The following PFN1 variants were observed in gnomAD, a reference collection of about 807,000 sequenced individuals.
The protein encoded by PFN1 is profilin 1, also known as profilin-1.
PFN1 carries 2 observed loss-of-function variants against 11.7 expected under a neutral mutation model. That is an observed-to-expected ratio of 0.17 (90% confidence interval 0.07 to 0.54). PFN1 has a LOEUF of 0.54. PFN1 is among the 20% of genes least tolerant of loss of function. PFN1 has a pLI of 0.94. For synonymous variants in PFN1, 78 were observed against 76.2 expected (o/e 1.02, Z -0.12); for missense variants, 97 against 188.4 (o/e 0.51, Z 2.84).
Position 4,946,753 on chromosome 17 carries a change from C to G in PFN1, c.200G>C (p.Gly67Ala). 6.2e-7 allele frequency: 1 copy of G among 1,614,108 alleles called. No homozygotes were observed. Reference protein sequence around the residue: ...SSFYVNGLTLGGQKCSVIRDS... With the variant: ...SSFYVNGLTLAGQKCSVIRDS... Reference sequence around the variant, plus strand: ...CCGGATCACCGAACATTTCTGGCCCCCAAGTGTCAGCCCATTCACGTAAAA... The same window carrying G: ...CCGGATCACCGAACATTTCTGGCCCGCAAGTGTCAGCCCATTCACGTAAAA... Residue 67 changes from glycine to alanine, a missense_variant, in exon 2 of 3, where the codon GGG (glycine) becomes GCG (alanine). Coordinates refer to ENST00000225655, the MANE Select transcript of PFN1 (RefSeq NM_005022.4).
At chr17:4,948,201 CAAGT>C in intron 1 of PFN1, 58 bp downstream of exon 1, 2 of 1,514,664 alleles carry the variant, frequency 1.3e-6, no homozygotes, top group Non-Finnish European at 1.8e-6. Flanking sequence ...CGCCCCCACC[CAAGT>C]CCCTCCCTCA....
rs2151133749 is a variant in PFN1 at position 4,945,727 on chromosome 17, A to G, written c.*173T>C. 1.9e-6 allele frequency: 1 copy of G among 522,286 alleles called. No homozygotes were observed. Among genetic ancestry groups the G allele is most frequent in the Non-Finnish European group, 3.5e-6 (1 of 285,734 alleles). The allele number at this position is 522,286 out of a possible 1,614,324, so 32.4% of individuals were successfully genotyped here. A position where few individuals can be genotyped will look rare whatever the true frequency, so the allele number is the denominator to read the frequency against. On this transcript the variant is annotated 3_prime_UTR_variant, in exon 3 of 3. Transcript: ENST00000225655. ...AGTTTTCCAACCACACACGGGAGGG[A>G]TATGGGTAGGGGGAGGTGTCTGTCC...
In PFN1 at chr17:4,946,770, C is replaced by G. The variant is rs1971406251; in HGVS notation, c.183G>C (p.Val61=). ...LVGKDRSSFY[V]NGLTLGGQKC... is the part of the protein sequence containing the mutation. ...TCTGGCCCCCAAGTGTCAGCCCATT[C>G]ACGTAAAAACTTGACCGGTCTTTGC... The change falls in exon 2 of 3, where the codon GTG becomes GTC. Residue 61 remains valine, a synonymous_variant. Transcript: ENST00000225655. The G allele has an allele frequency of 2.5e-6, 4 of 1,613,970 alleles. No homozygotes were observed. The highest frequency in any genetic ancestry group is 3.4e-6 in the Non-Finnish European group (4 of 1,179,926).
intron 1 of PFN1, among the ~76,000 whole-genome samples, chr17:4,947,723 G>A (rs1353148040): frequency 6.6e-6 from 1 of 151,248 alleles, no homozygotes; most frequent in African/African-American, 2.4e-5. Context: ...AACGTGCTGA[G>A]CTGGGGGGGC....
At chr17:4,946,051 C>G (rs894229181) in intron 2 of PFN1, 54 bp from the exon 3 acceptor site, 2 of 1,323,162 alleles carry the variant, frequency 1.5e-6, no homozygotes, top group African/African-American at 2.9e-5. Context: ...ACAATTCCAC[C>G]CCCTGCCAGC....
At chr17:4,948,175 C>T in intron 1 of PFN1, 88 bp downstream of exon 1, 3 of 1,432,530 alleles carry the variant, frequency 2.1e-6, no homozygotes, top group Non-Finnish European at 1.9e-6. Flanking sequence ...TCTCGCTGCG[C>T]GCCCTAGACC....
chr17:4,946,051 C>T lies in PFN1; in HGVS notation c.326-54G>A, dbSNP rs894229181. ...TAGGATCCAGGTGTCACAATTCCAC[C>T]CCCTGCCAGCTGTTCAGCAGCTGTC... On this transcript the variant is annotated intron_variant, in intron 2 of 2. Coordinates refer to ENST00000225655, the MANE Select transcript of PFN1 (RefSeq NM_005022.4). The T allele has an allele frequency of 4.5e-6, 6 of 1,323,278 alleles. No individual in the cohort carries two copies. In the Admixed American group the frequency reaches 6.7e-5, roughly 15 times the overall value. The allele number at this position is 1,323,278 out of a possible 1,614,324, so 82.0% of individuals were successfully genotyped here.
chr17:4,947,731 G>A (rs995286173), intron 1 of PFN1, among the ~76,000 whole-genome samples: 2 of 152,152 alleles, frequency 1.3e-5, no homozygotes, highest in African/African-American at 2.4e-5. Flanking sequence ...GAGCTGGGGG[G>A]GCGTGTGGTG....
rs1193533476 is a variant in PFN1, at chr17:4,945,915, C to A, written c.408G>T (p.Arg136=). ...KKCYEMASHL[R]RSQY The stretch of plus-strand genomic sequence containing the variant: ...ACAGACGAGGTCAGTACTGGGAACG[C>A]CGAAGGTGGGAGGCCATTTCATAAC... The change falls in exon 3 of 3, where the codon CGG becomes CGT. Residue 136 remains arginine (R), a synonymous_variant. Transcript: ENST00000225655. 6.2e-6 allele frequency: 10 copies of A among 1,607,404 alleles called. No individual in the cohort carries two copies. The highest frequency in any genetic ancestry group is 8.5e-6 in the Non-Finnish European group (10 of 1,173,994).
chr17:4,947,929 G>A (rs1474821796), intron 1 of PFN1, among the ~76,000 whole-genome samples: 3 of 152,168 alleles, frequency 2.0e-5, no homozygotes, highest in African/African-American at 7.2e-5. Context: ...CCAATCCCCA[G>A]TAAAAACTGA....
chr17:4,946,080 C>T (rs1971381940), intron 2 of PFN1, 83 bp from the exon 3 acceptor site: 15 of 1,037,940 alleles, frequency 1.4e-5, no homozygotes, highest in Non-Finnish European at 2.3e-5. Flanking sequence ...AGCTGTCCAG[C>T]CCTGGGGGCT....
In PFN1 at chr17:4,945,795, A is replaced by G. The variant is rs536157904; in HGVS notation, c.*105T>C. 17 of 738,656 alleles carry G rather than the reference A, an allele frequency of 2.3e-5. No individual in the cohort carries two copies. The highest frequency in any genetic ancestry group is 9.6e-6 in the Non-Finnish European group (4 of 418,086). The allele number at this position is 738,656 out of a possible 1,614,324, so 45.8% of individuals were successfully genotyped here. ...AGCCCATGTGGTTTTGGCAGCAATA[A>G]GGGGTATGGGGTAATGGCCCAAAAA... On this transcript the variant is annotated 3_prime_UTR_variant, in exon 3 of 3. Transcript: ENST00000225655.
chr17:4,945,674 T>C lies in PFN1; in HGVS notation c.*226A>G. The C allele has an allele frequency of 2.2e-6, 1 of 450,554 alleles. No homozygotes were observed. The highest frequency in any genetic ancestry group is 4.0e-6 in the Non-Finnish European group (1 of 249,512). The allele number at this position is 450,554 out of a possible 1,614,324, so 27.9% of individuals were successfully genotyped here. On this transcript the variant is annotated 3_prime_UTR_variant, in exon 3 of 3. Transcript: ENST00000225655. Reference sequence around the variant, plus strand: ...ACCTTGTTAGTAGAATCTTTTTTATTCAGAAAAAAAAAACCCCAAAAAACA... The same window carrying C: ...ACCTTGTTAGTAGAATCTTTTTTATCCAGAAAAAAAAAACCCCAAAAAACA...
chr17:4,947,605 T>C (rs956292658), intron 1 of PFN1: 2 of 152,436 alleles, frequency 1.3e-5, no homozygotes, highest in Non-Finnish European at 2.9e-5. Flanking sequence ...CTTTCGCTTA[T>C]GCTGTCTCAG....
At position 4,948,499 on chromosome 17, in the gene PFN1, G is replaced by A. The variant is rs1438655938; in HGVS notation, c.-105C>T. On this transcript the variant is annotated 5_prime_UTR_variant, in exon 1 of 3. Transcript: ENST00000225655. Reference sequence around the variant, plus strand: ...GGGAGGCGGAGAGCTCGGGGCACGCGCTGCCGTCCGGACCGCGGCTCCGCT... The same window carrying A: ...GGGAGGCGGAGAGCTCGGGGCACGCACTGCCGTCCGGACCGCGGCTCCGCT... 7.7e-6 allele frequency: 10 copies of A among 1,300,118 alleles called. No homozygotes were observed. In the East Asian group the frequency reaches 1.2e-4, roughly 16 times the overall value. 80.5% of individuals were successfully genotyped at this position (1,300,118 alleles called of 1,614,324 possible).
rs765279496 is a variant in PFN1 at position 4,948,246 on chromosome 17, C to A, written c.132+17G>T. 1 of 1,593,330 alleles carries A rather than the reference C, an allele frequency of 6.3e-7. No homozygotes were observed. The highest frequency in any genetic ancestry group is 8.5e-7 in the Non-Finnish European group (1 of 1,170,936). On this transcript the variant is annotated intron_variant, in intron 1 of 2. Coordinates refer to ENST00000225655, the MANE Select transcript of PFN1 (RefSeq NM_005022.4). ...CAAACCGGAGCAGTGCCCCGGACCG[C>A]GCAGGCCTCGCAGTACCGTGATGTT...
chr17:4,947,684 G>A (rs1311722866), intron 1 of PFN1, among the ~76,000 whole-genome samples: 2 of 152,260 alleles, frequency 1.3e-5, no homozygotes, highest in East Asian at 1.9e-4. Flanking sequence ...GGGGACTTCC[G>A]GGATTGGCCT....
At chr17:4,947,860 C>T (rs1023688713) in intron 1 of PFN1, among the ~76,000 whole-genome samples, 2 of 152,164 alleles carry the variant, frequency 1.3e-5, no homozygotes, top group African/African-American at 4.8e-5. Flanking sequence ...TAGAGGGACG[C>T]GGGCTGGCAG....
Position 4,946,013 on chromosome 17 carries a change from A to G in PFN1, c.326-16T>C, listed in dbSNP as rs201226862. On this transcript the variant is annotated splice_polypyrimidine_tract_variant and intron_variant, in intron 2 of 2. Coordinates refer to ENST00000225655, the MANE Select transcript of PFN1 (RefSeq NM_005022.4). ...AGGACTAGCGCTGGAGGAGGAGGAA[A>G]GAGAAAGGAGGCTAGGATCCAGGTG... 478 of 1,578,632 alleles carry G rather than the reference A, an allele frequency of 3.0e-4. 1 individual carries two copies. Among genetic ancestry groups the G allele is most frequent in the Non-Finnish European group, 3.2e-5 (37 of 1,147,926 alleles).
Sources: allele counts gnomAD v4.1 joint callset (sites outside exome capture counted in the v4.1 genomes callset), GRCh38; gene constraint gnomAD v4.1.1; transcripts MANE v1.5; gene names NCBI Gene and HGNC (gene_info 2026-07-23, HGNC 2026-07-21).